CCDC146: variants seen among roughly 807,000 people sequenced by gnomAD.
CCDC146 encodes coiled-coil domain-containing protein 146.
CCDC146 carries 92 observed loss-of-function variants against 119.3 expected under a neutral mutation model. The observed-to-expected ratio is 0.77, with a 90% confidence interval of 0.65 to 0.92. The LOEUF (loss-of-function observed/expected upper bound fraction) is 0.92. CCDC146 is among the 40% of genes least tolerant of loss of function. CCDC146 has a pLI of 0.00. For missense variants in CCDC146, 1,000 were observed against 1,103.0 expected (o/e 0.91, Z 1.32); for synonymous variants, 372 against 371.8 (o/e 1.00, Z -0.01).
At position 77,176,172 on chromosome 7, in the gene CCDC146, C is replaced by A. The variant is rs567708458; in HGVS notation, c.156+8348C>A. 3.1e-4 allele frequency among the ~76,000 whole-genome samples: 47 copies of A among 151,196 alleles called. 4 individuals are homozygous for A. The highest frequency in any genetic ancestry group is 1.1e-3 in the African/African-American group (45 of 40,758). The stretch of plus-strand genomic sequence containing the variant: ...AAGTACCTCAAACTAAACATACTCA[C>A]AACTAAATCCATTATCCTTCTCCGG... On this transcript the variant is annotated intron_variant, in intron 2 of 18. Coordinates refer to ENST00000285871, the MANE Select transcript of CCDC146 (RefSeq NM_020879.3).
intron 1 of CCDC146, among the ~76,000 whole-genome samples, chr7:77,123,776 T>A (rs1375781745): frequency 1.3e-5 from 2 of 152,186 alleles, no homozygotes; most frequent in Non-Finnish European, 2.9e-5. Context: ...TTAAAATTTT[T>A]AAAAATTCAG....
rs78115134 is a variant in CCDC146 at position 77,283,704 on chromosome 7, C to G, written c.2148+919C>G. ...TCTAGGTATACAAGTAAATGTTTTTCATTAGCTCATGCCCTAGACAGTTTT... is the reference window on the plus strand; with the variant it reads ...TCTAGGTATACAAGTAAATGTTTTTGATTAGCTCATGCCCTAGACAGTTTT... On this transcript the variant is annotated intron_variant, in intron 15 of 18. Coordinates refer to ENST00000285871, the MANE Select transcript of CCDC146 (RefSeq NM_020879.3). Among the ~76,000 whole-genome samples, 1,443 of 152,248 alleles carry G rather than the reference C, an allele frequency of 9.5e-3. 20 individuals are homozygous for G. The highest frequency in any genetic ancestry group is 0.033 in the African/African-American group (1,365 of 41,552).
chr7:77,249,486 CAAAAAAAAAAA>C (rs36137608), intron 4 of CCDC146, among the ~76,000 whole-genome samples: 1 of 96,754 alleles, frequency 1.0e-5, no homozygotes, highest in Non-Finnish European at 2.1e-5. Context: ...GACTCTGTCT[CAAAAAAAAAAA>C]AAAAAAAAAA....
At chr7:77,127,711 G>A (rs1790708690) in intron 1 of CCDC146, among the ~76,000 whole-genome samples, 1 of 152,028 alleles carries the variant, frequency 6.6e-6, no homozygotes, top group Non-Finnish European at 1.5e-5. Context: ...TTTGTCTAAA[G>A]TCTCCAATTT....
intron 1 of CCDC146, among the ~76,000 whole-genome samples, chr7:77,166,895 A>G (rs909863174): frequency 6.6e-6 from 1 of 152,222 alleles, no homozygotes; most frequent in Non-Finnish European, 1.5e-5. Context: ...CAGCAATTAC[A>G]GAAGAACCTC....
chr7:77,267,202 A>G (rs913670344), intron 9 of CCDC146, among the ~76,000 whole-genome samples: 12 of 152,096 alleles, frequency 7.9e-5, no homozygotes, highest in Non-Finnish European at 1.6e-4. Context: ...CATGTTGCCC[A>G]GGCTAGTCTC....
At position 77,278,804 on chromosome 7, in the gene CCDC146, G is replaced by C; in HGVS notation, c.1493G>C (p.Arg498Thr). Residue 498 changes from arginine (R) to threonine (T), a missense_variant, in exon 12 of 19, where the codon AGG (arginine) becomes ACG (threonine). Physicochemically the swap from Arg to Thr is moderately conservative, Grantham distance 71 (BLOSUM62 -1). Around this residue, in one of 2 missense-constraint regions of CCDC146, gnomAD observed 985 missense variants for 1,045.3 expected, o/e 0.94. Transcript: ENST00000285871. ...ATGAAAGCAAAGGATCTTGAAATCAGGATACACAAGAAGAAAAAATGTGAA... is the reference window on the plus strand; with the variant it reads ...ATGAAAGCAAAGGATCTTGAAATCACGATACACAAGAAGAAAAAATGTGAA... Reference protein sequence around the residue: ...KEMKAKDLEIRIHKKKKCEIY... With the variant: ...KEMKAKDLEITIHKKKKCEIY... 1.2e-6 allele frequency: 2 copies of C among 1,612,994 alleles called. No homozygotes were observed. Among genetic ancestry groups the C allele is most frequent in the Non-Finnish European group, 1.7e-6 (2 of 1,179,438 alleles).
At chr7:77,146,528 G>C (rs570736407) in intron 1 of CCDC146, among the ~76,000 whole-genome samples, 12 of 152,268 alleles carry the variant, frequency 7.9e-5, no homozygotes, top group Admixed American at 7.9e-4. Context: ...AATTTGGCAT[G>C]TTTTTGCAGT....
rs768955050 is a variant in CCDC146 at position 77,256,521 on chromosome 7, A to C, written c.684+12A>C. 3.1e-5 allele frequency: 49 copies of C among 1,587,540 alleles called. No homozygotes were observed. The highest frequency in any genetic ancestry group is 2.0e-5 in the Non-Finnish European group (24 of 1,170,958). ...AGGTCGTCCTAAAGGTGTGCTACTT[A>C]CCGTTGATATTTAAACATTGTGCCT... On this transcript the variant is annotated intron_variant, in intron 6 of 18. Coordinates refer to ENST00000285871, the MANE Select transcript of CCDC146 (RefSeq NM_020879.3).
In CCDC146 at chr7:77,204,078, A is replaced by G. The variant is rs889821577; in HGVS notation, c.157-32869A>G. On this transcript the variant is annotated intron_variant, in intron 2 of 18. Coordinates refer to ENST00000285871, the MANE Select transcript of CCDC146 (RefSeq NM_020879.3). ...CTATTTGTACTAAAAGAAGAAAGTA[A>G]ATTTAATGATAGTCGTATTTATAGT... Among the ~76,000 whole-genome samples, 8 of 152,220 alleles carry G rather than the reference A, an allele frequency of 5.3e-5. No homozygotes were observed. The East Asian group carries it at 1.5e-3, about 29-fold the overall frequency.
intron 2 of CCDC146, among the ~76,000 whole-genome samples, chr7:77,189,824 C>T (rs1424178441): frequency 6.6e-6 from 1 of 152,150 alleles, no homozygotes; most frequent in Non-Finnish European, 1.5e-5. Flanking sequence ...CTGGTTTGAG[C>T]TCTCATATCT....
At chr7:77,197,326 C>G (rs2150431940) in intron 2 of CCDC146, among the ~76,000 whole-genome samples, 1 of 152,368 alleles carries the variant, frequency 6.6e-6, no homozygotes, top group East Asian at 1.9e-4. Context: ...GACTGGGTAA[C>G]ATTTTCACAC....
chr7:77,158,923 T>A (rs1791217205), intron 1 of CCDC146, among the ~76,000 whole-genome samples: 1 of 152,228 alleles, frequency 6.6e-6, no homozygotes, highest in South Asian at 2.1e-4. Flanking sequence ...CAGACTTTTT[T>A]ATATTTGCCT....
rs1162126472 is a variant in CCDC146 at position 77,293,126 on chromosome 7, G to A, written c.2590G>A (p.Glu864Lys). ...RIEKGLPLNK[E>K]IEKEWLKVLR... is the part of the protein sequence containing the mutation. ...AGAAAAAGGTCTGCCACTCAATAAG[G>A]AAATTGAGAAAGAATGGTTGAAAGT... Residue 864 changes from glutamate (E) to lysine (K), a missense_variant, in exon 18 of 19, where the codon GAA becomes AAA. Transcript: ENST00000285871. The A allele has an allele frequency of 6.2e-7, 1 of 1,614,064 alleles. No individual in the cohort carries two copies.
rs144458833 is a variant in CCDC146 at position 77,252,436 on chromosome 7, G to A, written c.450-2070G>A. Among the ~76,000 whole-genome samples the A allele has an allele frequency of 2.5e-3, 383 of 152,194 alleles. 2 individuals are homozygous for A. Among genetic ancestry groups the A allele is most frequent in the African/African-American group, 8.4e-3 (348 of 41,522 alleles). Reference sequence around the variant, plus strand: ...AAAAATCTTGAAAGAAGCAAGAAACGGGCTTCAAGAATGACGCTCATGTTT... The same window carrying A: ...AAAAATCTTGAAAGAAGCAAGAAACAGGCTTCAAGAATGACGCTCATGTTT... On this transcript the variant is annotated intron_variant, in intron 4 of 18. Transcript: ENST00000285871.
At chr7:77,272,504 T>G (rs1214823735) in intron 9 of CCDC146, among the ~76,000 whole-genome samples, 1 of 152,102 alleles carries the variant, frequency 6.6e-6, no homozygotes, top group Non-Finnish European at 1.5e-5. Context: ...CTTTCTTGGG[T>G]CTAAATTTTG....
chr7:77,209,119 A>T (rs1461897515), intron 2 of CCDC146, among the ~76,000 whole-genome samples: 1 of 152,226 alleles, frequency 6.6e-6, no homozygotes, highest in South Asian at 2.1e-4. Flanking sequence ...TTCCAACATT[A>T]ACTCAAAAGT....
chr7:77,232,330 T>A (rs575362163), intron 2 of CCDC146, among the ~76,000 whole-genome samples: 6 of 152,320 alleles, frequency 3.9e-5, no homozygotes, highest in African/African-American at 1.4e-4. Context: ...GTCTGGTTGA[T>A]CTTGGGTGGT....
intron 1 of CCDC146, among the ~76,000 whole-genome samples, chr7:77,127,864 A>G (rs1362367250): frequency 6.6e-6 from 1 of 151,868 alleles, no homozygotes; most frequent in Non-Finnish European, 1.5e-5. Flanking sequence ...TTCGTATTTC[A>G]TTCTGGATGA....
Sources: allele counts gnomAD v4.1 joint callset (sites outside exome capture counted in the v4.1 genomes callset), GRCh38; gene constraint gnomAD v4.1.1; regional missense constraint gnomAD v4.1.1; transcripts MANE v1.5; gene names NCBI Gene and HGNC (gene_info 2026-07-23, HGNC 2026-07-21).